Variants in CYB5A observed in about 807,000 individuals in gnomAD.
The protein encoded by CYB5A is cytochrome b5 type A.
Under a neutral mutation model 16.2 loss-of-function variants are expected in CYB5A, and 10 were observed. That is an observed-to-expected ratio of 0.62 (90% CI 0.38 to 1.04). The LOEUF is 1.04. Among genes scored for constraint, CYB5A ranks in the 50% least tolerant of loss-of-function variants. The pLI, the probability that CYB5A is intolerant of heterozygous loss-of-function variation, is 0.01. For missense variants in CYB5A, 161 were observed against 165.9 expected (o/e 0.97, Z 0.16); for synonymous variants, 62 against 57.0 (o/e 1.09, Z -0.40).
rs79436677 is a variant in CYB5A, at chr18:74,261,642, C to T, written c.259-698G>A. The T allele has an allele frequency of 6.0e-3, 916 of 152,676 alleles. 11 individuals are homozygous for T. The highest frequency in any genetic ancestry group is 0.021 in the African/African-American group (863 of 41,556). 9.5% of individuals were successfully genotyped at this position (152,676 alleles called of 1,614,324 possible). A position where few individuals can be genotyped will look rare whatever the true frequency, so the allele number is the denominator to read the frequency against. On this transcript the variant is annotated intron_variant, in intron 2 of 4. Coordinates refer to ENST00000340533, the MANE Select transcript of CYB5A (RefSeq NM_148923.4). ...GCTTACTCCCTCAAAGTACATATCTCCTACCACCAAAAACAAAATCAAACA... is the reference window on the plus strand; with the variant it reads ...GCTTACTCCCTCAAAGTACATATCTTCTACCACCAAAAACAAAATCAAACA...
chr18:74,278,561 A>C (rs1982970560), intron 1 of CYB5A, among the ~76,000 whole-genome samples: 1 of 152,166 alleles, frequency 6.6e-6, no homozygotes, highest in Admixed American at 6.5e-5. Context: ...TTCAAAAGTT[A>C]TCTCTGGATT....
At chr18:74,284,531 T>C (rs1983246264) in intron 1 of CYB5A, among the ~76,000 whole-genome samples, 1 of 152,186 alleles carries the variant, frequency 6.6e-6, no homozygotes, top group Admixed American at 6.5e-5. Context: ...TGGACACAGC[T>C]GCACAAAGCT....
At chr18:74,291,405 G>A (rs1222124620) in intron 1 of CYB5A, among the ~76,000 whole-genome samples, 2 of 108,036 alleles carry the variant, frequency 1.9e-5, no homozygotes, top group Non-Finnish European at 2.3e-5. Flanking sequence ...TACACGCGCA[G>A]GTGTGCGGAC....
chr18:74,280,152 G>A (rs977422257), intron 1 of CYB5A, among the ~76,000 whole-genome samples: 1 of 152,194 alleles, frequency 6.6e-6, no homozygotes, highest in African/African-American at 2.4e-5. Context: ...CAAAGGAGGT[G>A]AGGCAGGGAA....
intron 1 of CYB5A, among the ~76,000 whole-genome samples, chr18:74,268,537 A>C (rs567615748): frequency 3.5e-4 from 53 of 152,232 alleles, no homozygotes; most frequent in African/African-American, 1.1e-3. Flanking sequence ...GATCAGATTT[A>C]ATTTTAAAAT....
chr18:74,288,789 G>T (rs903781624), intron 1 of CYB5A, among the ~76,000 whole-genome samples: 6 of 152,138 alleles, frequency 3.9e-5, no homozygotes, highest in African/African-American at 1.4e-4. Flanking sequence ...CTTTGCCGGG[G>T]GCTGGGAAGC....
chr18:74,273,864 C>G (rs1982767275), intron 1 of CYB5A, among the ~76,000 whole-genome samples: 1 of 152,226 alleles, frequency 6.6e-6, no homozygotes, highest in African/African-American at 2.4e-5. Flanking sequence ...TACCATGGAG[C>G]TCAGTGGTTT....
chr18:74,272,469 C>T (rs971318236), intron 1 of CYB5A, among the ~76,000 whole-genome samples: 6 of 152,186 alleles, frequency 3.9e-5, no homozygotes, highest in African/African-American at 9.7e-5. Context: ...TTTGTCTCCA[C>T]GCTGACGGTT....
intron 3 of CYB5A, chr18:74,258,072 A>C (rs374139670): frequency 1.3e-5 from 2 of 152,308 alleles, no homozygotes; most frequent in South Asian, 2.1e-4. Context: ...ATCTAACGTA[A>C]ACTTTAGTGG....
At chr18:74,289,453 T>C (rs941796892) in intron 1 of CYB5A, among the ~76,000 whole-genome samples, 2 of 152,114 alleles carry the variant, frequency 1.3e-5, no homozygotes, top group African/African-American at 4.8e-5. Flanking sequence ...CCTCTGGCAA[T>C]ATCTGGAGAC....
chr18:74,272,794 C>T (rs929715965), intron 1 of CYB5A, among the ~76,000 whole-genome samples: 11 of 150,946 alleles, frequency 7.3e-5, no homozygotes, highest in South Asian at 2.1e-4. Flanking sequence ...TAGTGGTGGG[C>T]GCCTGTATCC....
chr18:74,289,400 C>T (rs1301492417), intron 1 of CYB5A, among the ~76,000 whole-genome samples: 3 of 152,126 alleles, frequency 2.0e-5, no homozygotes, highest in African/African-American at 7.2e-5. Context: ...TGCACAGTAA[C>T]CTTAGTAATT....
chr18:74,275,106 A>G (rs1359471861), intron 1 of CYB5A, among the ~76,000 whole-genome samples: 2 of 152,190 alleles, frequency 1.3e-5, no homozygotes, highest in Non-Finnish European at 2.9e-5. Context: ...AACTTCTCGA[A>G]GAGAGCGTCA....
rs749104800 is a variant in CYB5A, at chr18:74,253,535, C to T, written c.*49G>A. On this transcript the variant is annotated 3_prime_UTR_variant, in exon 5 of 5. Transcript: ENST00000340533. The stretch of plus-strand genomic sequence containing the variant: ...GAAGTAGTTAGCAATGGCTTCTTTT[C>T]TCCCGTGTCCAAAGCAGGCTCTTCC... The T allele has an allele frequency of 8.1e-7, 1 of 1,239,322 alleles. No homozygotes were observed. The highest frequency in any genetic ancestry group is 1.2e-6 in the Non-Finnish European group (1 of 843,390). 76.8% of individuals were successfully genotyped at this position (1,239,322 alleles called of 1,614,324 possible).
chr18:74,262,968 G>A (rs2042062), intron 2 of CYB5A, among the ~76,000 whole-genome samples: 12,953 of 152,066 alleles, frequency 0.085, 698 homozygotes, highest in South Asian at 0.16. Context: ...TGGGCAACAC[G>A]GTGAAACCCC....
intron 1 of CYB5A, among the ~76,000 whole-genome samples, chr18:74,275,681 A>G (rs2145067647): frequency 6.6e-6 from 1 of 152,264 alleles, no homozygotes; most frequent in East Asian, 1.9e-4. Flanking sequence ...CTTCCTACCA[A>G]TCAGGGTTTG....
intron 4 of CYB5A, among the ~76,000 whole-genome samples, chr18:74,254,493 G>A (rs540445030): frequency 2.0e-5 from 3 of 150,206 alleles, no homozygotes; most frequent in Non-Finnish European, 4.4e-5. Context: ...CAGGGACAAA[G>A]GAGGGATGAG....
At chr18:74,260,462 A>G in intron 3 of CYB5A, 1 of 245,658 alleles carries the variant, frequency 4.1e-6, no homozygotes, top group South Asian at 4.7e-5. Flanking sequence ...AATTTCATTA[A>G]ATTCATCTGA....
At chr18:74,264,040 A>G (rs1624068) in intron 1 of CYB5A, among the ~76,000 whole-genome samples, 143,305 of 152,126 alleles carry the variant, frequency 0.94, 67,956 homozygotes, top group East Asian at 1. Context: ...GCGAAACCCC[A>G]TCTCTACAAA....
Sources: allele counts gnomAD v4.1 joint callset (sites outside exome capture counted in the v4.1 genomes callset), GRCh38; gene constraint gnomAD v4.1.1; transcripts MANE v1.5; gene names NCBI Gene and HGNC (gene_info 2026-07-23, HGNC 2026-07-21).